WDR41: variants seen among roughly 807,000 people sequenced by gnomAD.
The protein encoded by WDR41 is WD repeat-containing protein 41.
Under a neutral mutation model 69.3 loss-of-function variants are expected in WDR41, and 63 were observed. That is an observed-to-expected ratio of 0.91 (90% CI 0.74 to 1.12). WDR41 has a LOEUF of 1.12. Ranked by LOEUF, WDR41 falls within the 50% of genes most tolerant of loss-of-function variation. The pLI is 0.00. For synonymous variants in WDR41, 185 were observed against 192.1 expected (o/e 0.96, Z 0.31); for missense variants, 543 against 534.5 (o/e 1.02, Z -0.16).
At chr5:77,458,980 T>C in intron 5 of WDR41, 82 bp downstream of exon 5, 1 of 994,170 alleles carries the variant, frequency 1.0e-6, no homozygotes. Context: ...CCCACAAAAG[T>C]AATTTCGTCT....
intron 12 of WDR41, among the ~76,000 whole-genome samples, chr5:77,434,064 T>C (rs538508195): frequency 1.6e-4 from 25 of 152,036 alleles, no homozygotes; most frequent in Non-Finnish European, 1.8e-4. Flanking sequence ...GCGTGGTGGC[T>C]CACACCTGTA....
chr5:77,573,263 C>G (rs1442556768), intron 1 of WDR41, among the ~76,000 whole-genome samples: 1 of 151,462 alleles, frequency 6.6e-6, no homozygotes, highest in African/African-American at 2.4e-5. Context: ...CTCTCTCTCT[C>G]TCTCTTTATT....
At chr5:77,483,481 C>CGTGTGT (rs35574463) in intron 2 of WDR41, among the ~76,000 whole-genome samples, 46 of 143,460 alleles carry the variant, frequency 3.2e-4, no homozygotes, top group Non-Finnish European at 5.3e-4. Context: ...CCTGAATACT[C>CGTGTGT]GTGTGTGTGT....
chr5:77,569,646 C>T (rs1479496371), intron 1 of WDR41, among the ~76,000 whole-genome samples: 1 of 152,106 alleles, frequency 6.6e-6, no homozygotes, highest in East Asian at 1.9e-4. Context: ...CATCACTACC[C>T]ATCTCCAGAC....
At chr5:77,568,351 C>T (rs896712961) in intron 1 of WDR41, among the ~76,000 whole-genome samples, 1 of 152,160 alleles carries the variant, frequency 6.6e-6, no homozygotes. Flanking sequence ...CCAGGATTTT[C>T]ACTGTGCGGC....
chr5:77,509,499 C>G (rs965756016), intron 1 of WDR41, among the ~76,000 whole-genome samples: 2 of 152,162 alleles, frequency 1.3e-5, no homozygotes, highest in African/African-American at 2.4e-5. Flanking sequence ...TATAACCATA[C>G]AGTAGAATAT....
At chr5:77,598,653 T>G (rs909532236) in intron 1 of WDR41, among the ~76,000 whole-genome samples, 16 of 136,228 alleles carry the variant, frequency 1.2e-4, no homozygotes, top group African/African-American at 2.5e-4. Context: ...CCTTTTTTTT[T>G]TTGTTTTTTT....
chr5:77,442,668 G>A (rs899999683), intron 8 of WDR41, among the ~76,000 whole-genome samples: 3 of 151,928 alleles, frequency 2.0e-5, no homozygotes, highest in Admixed American at 1.3e-4. Flanking sequence ...CGAGGCAGGT[G>A]GATCACGAGG....
intron 1 of WDR41, among the ~76,000 whole-genome samples, chr5:77,580,766 T>C (rs906466239): frequency 7.2e-5 from 11 of 151,756 alleles, no homozygotes; most frequent in Non-Finnish European, 1.5e-5. Flanking sequence ...CCATCCTGGC[T>C]AACATCGTGA....
intron 1 of WDR41, among the ~76,000 whole-genome samples, chr5:77,604,975 A>C (rs1744390070): frequency 6.7e-6 from 1 of 150,126 alleles, no homozygotes; most frequent in Non-Finnish European, 1.5e-5. Context: ...AATCTCTAGG[A>C]TACACAGGAA....
intron 1 of WDR41, among the ~76,000 whole-genome samples, chr5:77,570,872 T>C (rs1743721328): frequency 6.6e-6 from 1 of 151,998 alleles, no homozygotes; most frequent in Non-Finnish European, 1.5e-5. Context: ...AAAGAAATCA[T>C]CGACAAAGGG....
At chr5:77,617,790 G>GA (rs1744704972) in intron 1 of WDR41, among the ~76,000 whole-genome samples, 1 of 152,092 alleles carries the variant, frequency 6.6e-6, no homozygotes, top group Non-Finnish European at 1.5e-5. Flanking sequence ...TAAAGTTTTA[G>GA]AAAAAATAAA....
At chr5:77,567,992 C>CT (rs532992321) in intron 1 of WDR41, among the ~76,000 whole-genome samples, 5 of 151,112 alleles carry the variant, frequency 3.3e-5, no homozygotes, top group Non-Finnish European at 5.9e-5. Context: ...AGCAAGAGAT[C>CT]TTTTTTTTTC....
chr5:77,499,393 C>T lies in WDR41; in HGVS notation c.43-9821G>A, dbSNP rs530779996. 2.0e-5 allele frequency: 3 copies of T among 152,378 alleles called. No homozygotes were observed. In the South Asian group the frequency reaches 6.2e-4, roughly 32 times the overall value. The allele number at this position is 152,378 out of a possible 1,614,324, so 9.4% of individuals were successfully genotyped here. On this transcript the variant is annotated intron_variant, in intron 1 of 5. Transcript: ENST00000509971. The stretch of plus-strand genomic sequence containing the variant: ...AGCTTAGAGAGAATGCAGGAATCCT[C>T]TGGGTCTTTTCCTCTCCTTTTTGTC...
chr5:77,582,354 T>A (rs994684603), intron 1 of WDR41: 3 of 1,600,240 alleles, frequency 1.9e-6, no homozygotes, highest in Non-Finnish European at 2.6e-6. Context: ...TGCGCCAACT[T>A]CCTCTTTTTC....
intron 1 of WDR41, among the ~76,000 whole-genome samples, chr5:77,580,019 C>T (rs1743906966): frequency 6.6e-6 from 1 of 151,618 alleles, no homozygotes; most frequent in Non-Finnish European, 1.5e-5. Flanking sequence ...ATATGTAGAA[C>T]AATAATGCTA....
chr5:77,512,336 G>C, intron 1 of WDR41, among the ~76,000 whole-genome samples: 1 of 123,090 alleles, frequency 8.1e-6, no homozygotes, highest in Non-Finnish European at 1.7e-5. Flanking sequence ...GTGAGTGAGA[G>C]AGAGAGAGAG....
At chr5:77,480,109 C>G (rs1801151781) in intron 2 of WDR41, 1 of 152,026 alleles carries the variant, frequency 6.6e-6, no homozygotes, top group East Asian at 1.9e-4. Flanking sequence ...AAATGCAAAT[C>G]AAAACCACAA....
intron 1 of WDR41, among the ~76,000 whole-genome samples, chr5:77,571,545 A>G (rs1241351252): frequency 6.6e-6 from 1 of 152,188 alleles, no homozygotes; most frequent in African/African-American, 2.4e-5. Context: ...GCTAGCCTCA[A>G]GCATAACACT....
Sources: gnomAD v4.1 joint callset for allele counts (sites outside exome capture counted in the v4.1 genomes callset) on GRCh38, gnomAD v4.1.1 for gene constraint, MANE v1.5 for transcripts, NCBI Gene and HGNC (gene_info 2026-07-23, HGNC 2026-07-21) for gene names.